The following FRMPD4 variants were observed in gnomAD, a reference collection of about 807,000 sequenced individuals.
FRMPD4 encodes the protein FERM and PDZ domain-containing protein 4.
FRMPD4 carries 22 observed loss-of-function variants against 94.1 expected under a neutral mutation model. The observed-to-expected ratio is 0.23, with a 90% CI of 0.17 to 0.33. The LOEUF is 0.33. Among genes scored for constraint, FRMPD4 ranks in the 10% least tolerant of loss-of-function variants. FRMPD4 has a pLI of 1.00. For synonymous variants in FRMPD4, 631 were observed against 548.6 expected (o/e 1.15, Z -2.10); for missense variants, 1,111 against 1,339.9 (o/e 0.83, Z 2.67).
In FRMPD4 at chrX:12,716,643, G is replaced by A. The variant is rs758552076; in HGVS notation, c.2184G>A (p.Ala728=). The part of the protein sequence containing the change: ...NIGDVKSFQA[A]EGIEEPLLHD... ...GCGATGTGAAGAGCTTCCAGGCCGC[G>A]GAGGGGATCGAGGAACCCCTCTTGC... is the stretch of plus-strand genomic sequence containing the variant. The change falls in exon 15 of 17, where the codon GCG becomes GCA. Residue 728 remains alanine, a synonymous_variant. Coordinates refer to ENST00000675598, the MANE Select transcript of FRMPD4 (RefSeq NM_001368397.1). 2.1e-5 allele frequency: 25 copies of A among 1,207,861 alleles called. No individual in the cohort carries two copies. The highest frequency in any genetic ancestry group is 7.0e-5 in the African/African-American group (4 of 57,106).
intron 3 of FRMPD4, among the ~76,000 whole-genome samples, chrX:12,009,005 T>C (rs1244249479): frequency 2.7e-5 from 3 of 111,992 alleles, no homozygotes; most frequent in African/African-American, 9.7e-5. Context: ...ATCTTTCGTT[T>C]GCTTTAAATT....
intron 1 of FRMPD4, among the ~76,000 whole-genome samples, chrX:12,394,026 G>C (rs1047932840): frequency 9.0e-6 from 1 of 111,071 alleles, no homozygotes; most frequent in African/African-American, 3.3e-5. Flanking sequence ...ACCATATGGT[G>C]ATATAAGTTA....
At chrX:12,375,578 C>T (rs2056225162) in intron 1 of FRMPD4, among the ~76,000 whole-genome samples, 1 of 112,559 alleles carries the variant, frequency 8.9e-6, no homozygotes, top group Non-Finnish European at 1.9e-5. Context: ...CCTTTAAGGG[C>T]TTGTGTGATC....
intron 1 of FRMPD4, among the ~76,000 whole-genome samples, chrX:12,465,969 C>T (rs768575494): frequency 4.7e-5 from 4 of 85,672 alleles, no homozygotes; most frequent in African/African-American, 1.4e-4. Flanking sequence ...TTTCCCTGAC[C>T]TGTGTTCTCA....
intron 9 of FRMPD4, among the ~76,000 whole-genome samples, chrX:12,699,472 T>C (rs2060165645): frequency 8.9e-6 from 1 of 112,737 alleles, no homozygotes; most frequent in South Asian, 3.7e-4. Context: ...CATGCACCCA[T>C]GGCACGTGGA....
chrX:12,218,327 A>T (rs1480930845), intron 1 of FRMPD4, among the ~76,000 whole-genome samples: 1 of 111,950 alleles, frequency 8.9e-6, no homozygotes, highest in African/African-American at 3.2e-5. Context: ...ACAACGAAAT[A>T]TTAGGGATTG....
intron 1 of FRMPD4, among the ~76,000 whole-genome samples, chrX:12,357,595 G>A (rs2055913601): frequency 9.0e-6 from 1 of 111,715 alleles, no homozygotes; most frequent in Non-Finnish European, 1.9e-5. Context: ...AACTTCCTGG[G>A]TGACTACATG....
chrX:12,138,832 GGCC>G lies in FRMPD4; in HGVS notation c.-130_-128del. The G allele has an allele frequency of 6.6e-6, 3 of 451,807 alleles. No individual in the cohort carries two copies. Among genetic ancestry groups the G allele is most frequent in the Non-Finnish European group, 1.0e-5 (3 of 287,749 alleles). 37.2% of individuals were successfully genotyped at this position (451,807 alleles called of 1,213,427 possible). A position where few individuals can be genotyped will look rare whatever the true frequency, so the allele number is the denominator to read the frequency against. On this transcript the variant is annotated 5_prime_UTR_variant, in exon 1 of 17. Transcript: ENST00000675598. ...CCGCCTCCAGGTGCAGGTTCTCTCCGGCCGCCGCCGCCACCCGCTGTCGCCGCG... is the reference window on the plus strand; with the variant it reads ...CCGCCTCCAGGTGCAGGTTCTCTCCGGCCGCCGCCACCCGCTGTCGCCGCG...
intron 8 of FRMPD4, among the ~76,000 whole-genome samples, chrX:12,693,907 T>TA (rs1327558819): frequency 9.0e-6 from 1 of 111,577 alleles, no homozygotes; most frequent in African/African-American, 3.3e-5. Context: ...GGGACAGCTC[T>TA]AAATGAATGA....
chrX:12,280,514 G>T (rs1234832788), intron 1 of FRMPD4, among the ~76,000 whole-genome samples: 1 of 110,236 alleles, frequency 9.1e-6, no homozygotes, highest in African/African-American at 3.3e-5. Context: ...AACACTCATG[G>T]CCTACTATTT....
At chrX:12,585,772 A>G (rs1197510249) in intron 2 of FRMPD4, among the ~76,000 whole-genome samples, 1 of 112,255 alleles carries the variant, frequency 8.9e-6, no homozygotes, top group East Asian at 2.8e-4. Context: ...ATGTGCTGTA[A>G]GTGTAAACTA....
At chrX:12,545,861 A>G (rs2058468943) in intron 2 of FRMPD4, among the ~76,000 whole-genome samples, 1 of 113,013 alleles carries the variant, frequency 8.8e-6, no homozygotes, top group Non-Finnish European at 1.9e-5. Context: ...GAAATTTGGA[A>G]AAACCAAGCT....
intron 1 of FRMPD4, among the ~76,000 whole-genome samples, chrX:12,310,503 C>T (rs1374706447): frequency 3.6e-5 from 4 of 112,159 alleles, no homozygotes; most frequent in African/African-American, 9.7e-5. Context: ...ATTCAGAAAC[C>T]ATCAGCAACC....
At chrX:12,180,622 A>G (rs1871904288) in intron 1 of FRMPD4, among the ~76,000 whole-genome samples, 1 of 112,646 alleles carries the variant, frequency 8.9e-6, no homozygotes, top group South Asian at 3.7e-4. Flanking sequence ...AGTTAAATCT[A>G]ACAAGATAAA....
intron 1 of FRMPD4, among the ~76,000 whole-genome samples, chrX:12,473,733 G>C (rs2057551084): frequency 9.1e-6 from 1 of 110,151 alleles, no homozygotes; most frequent in Non-Finnish European, 1.9e-5. Flanking sequence ...ATTACATAAT[G>C]GTAAAGGAAT....
chrX:12,204,692 C>T (rs143699021), intron 1 of FRMPD4, among the ~76,000 whole-genome samples: 1 of 111,274 alleles, frequency 9.0e-6, no homozygotes, highest in East Asian at 2.8e-4. Context: ...CCCTTCTCTT[C>T]TCTTCATCAC....
At chrX:12,121,555 T>C (rs146009598) in intron 3 of FRMPD4, among the ~76,000 whole-genome samples, 1,918 of 111,805 alleles carry the variant, frequency 0.017, 45 homozygotes, top group African/African-American at 0.059. Flanking sequence ...AAGGTAACTT[T>C]GCATAAGGCG....
At chrX:12,127,389 G>A (rs2055509518) in intron 3 of FRMPD4, among the ~76,000 whole-genome samples, 1 of 111,786 alleles carries the variant, frequency 8.9e-6, no homozygotes, top group Admixed American at 9.5e-5. Context: ...GCAGGAGAGA[G>A]AAGTGCCAAG....
chrX:12,083,550 G>A, intron 3 of FRMPD4, among the ~76,000 whole-genome samples: 1 of 112,559 alleles, frequency 8.9e-6, no homozygotes, highest in African/African-American at 3.2e-5. Context: ...GTGGAGCTAT[G>A]AGAAGAAGGC....
Sources: allele counts gnomAD v4.1 joint callset (sites outside exome capture counted in the v4.1 genomes callset), GRCh38; gene constraint gnomAD v4.1.1; transcripts MANE v1.5; gene names NCBI Gene and HGNC (gene_info 2026-07-23, HGNC 2026-07-21).